The following UNC13C variants were observed in gnomAD, a reference collection of about 807,000 sequenced individuals.
UNC13C encodes unc-13 homolog C.
In UNC13C, 174 loss-of-function variants were observed where a neutral mutation model predicts 245.4. That is an observed-to-expected ratio of 0.71 (90% CI 0.63 to 0.80). UNC13C has a LOEUF of 0.80. Ranked by LOEUF, UNC13C falls within the 30% of genes least tolerant of loss-of-function variation. UNC13C has a pLI of 0.00. For synonymous variants in UNC13C, 992 were observed against 895.1 expected (o/e 1.11, Z -1.93); for missense variants, 2,829 against 2,602.9 (o/e 1.09, Z -1.89).
intron 25 of UNC13C, among the ~76,000 whole-genome samples, chr15:54,529,310 A>C (rs1895629127): frequency 6.6e-6 from 1 of 152,160 alleles, no homozygotes; most frequent in Non-Finnish European, 1.5e-5. Context: ...AAGCAAGAAA[A>C]ACATCCAAGT....
intron 17 of UNC13C, among the ~76,000 whole-genome samples, chr15:54,346,823 A>G (rs1204409551): frequency 6.6e-6 from 1 of 152,264 alleles, no homozygotes; most frequent in Non-Finnish European, 1.5e-5. Context: ...AGATCAATCT[A>G]TAAACTGGAT....
chr15:54,495,305 T>C (rs572697451), intron 20 of UNC13C, among the ~76,000 whole-genome samples: 3 of 152,106 alleles, frequency 2.0e-5, no homozygotes, highest in East Asian at 1.9e-4. Context: ...TGTAGAGCAA[T>C]AGAAAATAAA....
chr15:54,118,216 A>G (rs561875193), intron 2 of UNC13C, among the ~76,000 whole-genome samples: 1 of 151,814 alleles, frequency 6.6e-6, no homozygotes, highest in Non-Finnish European at 1.5e-5. Flanking sequence ...TTTCATAGTG[A>G]GTATATTTAA....
At chr15:53,850,134 C>T in the UNC13C span, among the ~76,000 whole-genome samples, 11 of 151,826 alleles carry the variant, frequency 7.2e-5, no homozygotes, top group Middle Eastern at 3.2e-3. Flanking sequence ...TTCTAGGGGG[C>T]GCTGGGCATG....
At chr15:54,051,830 A>G (rs1192595373) in intron 2 of UNC13C, among the ~76,000 whole-genome samples, 1 of 148,636 alleles carries the variant, frequency 6.7e-6, no homozygotes, top group African/African-American at 2.5e-5. Flanking sequence ...TTACATATGT[A>G]TACATGTGCC....
At chr15:54,081,715 G>T (rs1898952334) in intron 2 of UNC13C, among the ~76,000 whole-genome samples, 1 of 152,088 alleles carries the variant, frequency 6.6e-6, no homozygotes, top group East Asian at 1.9e-4. Flanking sequence ...GAAGGCAACA[G>T]CAGGTTGAGT....
chr15:54,373,333 G>C (rs745983119), intron 17 of UNC13C, among the ~76,000 whole-genome samples: 25 of 152,172 alleles, frequency 1.6e-4, no homozygotes, highest in Admixed American at 6.5e-5. Context: ...GAGCCCACTG[G>C]ACTTGTTTCA....
At chr15:53,864,959 A>C in the UNC13C span, among the ~76,000 whole-genome samples, 3 of 152,184 alleles carry the variant, frequency 2.0e-5, no homozygotes. Flanking sequence ...CAGGGGTCAG[A>C]AGTCCCGAAT....
intron 2 of UNC13C, among the ~76,000 whole-genome samples, chr15:54,084,228 A>G (rs1455503647): frequency 6.6e-6 from 1 of 152,066 alleles, no homozygotes; most frequent in Non-Finnish European, 1.5e-5. Flanking sequence ...ACTGTGATCC[A>G]CGTCCCCTTT....
the UNC13C span, among the ~76,000 whole-genome samples, chr15:53,879,971 G>GTGTGTGTA: frequency 1.5e-4 from 23 of 151,142 alleles, no homozygotes; most frequent in East Asian, 5.9e-4. Flanking sequence ...GTGTGTGTGT[G>GTGTGTGTA]TATATACATA....
At chr15:54,403,715 C>CAA (rs771818988) in intron 18 of UNC13C, among the ~76,000 whole-genome samples, 10,267 of 55,656 alleles carry the variant, frequency 0.18, 1,405 homozygotes, top group Non-Finnish European at 0.22. Context: ...GAACCTGTCT[C>CAA]AAAAAAAAAA....
At chr15:54,526,366 C>T (rs1458500633) in intron 25 of UNC13C, among the ~76,000 whole-genome samples, 2 of 151,992 alleles carry the variant, frequency 1.3e-5, no homozygotes, top group African/African-American at 4.8e-5. Flanking sequence ...ATAGAATTTG[C>T]TTTAAATATT....
chr15:53,939,191 C>G, the UNC13C span, among the ~76,000 whole-genome samples: 1 of 152,144 alleles, frequency 6.6e-6, no homozygotes, highest in Non-Finnish European at 1.5e-5. Context: ...ACACAACCAT[C>G]AGAGAACACT....
At chr15:54,386,203 G>A (rs1431279187) in intron 17 of UNC13C, among the ~76,000 whole-genome samples, 1 of 152,174 alleles carries the variant, frequency 6.6e-6, no homozygotes, top group East Asian at 1.9e-4. Flanking sequence ...AGAGGATGTG[G>A]AAATTAAGAT....
At chr15:54,431,925 TGATA>T (rs1054974789) in intron 19 of UNC13C, among the ~76,000 whole-genome samples, 16 of 151,700 alleles carry the variant, frequency 1.1e-4, no homozygotes, top group African/African-American at 3.9e-4. Context: ...AATATTAAGG[TGATA>T]GATATTCTAA....
At chr15:54,590,360 T>G (rs1237929450) in intron 30 of UNC13C, among the ~76,000 whole-genome samples, 2 of 152,204 alleles carry the variant, frequency 1.3e-5, no homozygotes, top group African/African-American at 4.8e-5. Context: ...TGCATTGTAT[T>G]TGTAGATGGC....
chr15:54,124,590 T>G (rs143206517), intron 2 of UNC13C, among the ~76,000 whole-genome samples: 3,930 of 152,270 alleles, frequency 0.026, 168 homozygotes, highest in African/African-American at 0.09. Flanking sequence ...CTTGTCTTTT[T>G]ATCCTCCTAA....
chr15:54,208,665 G>A (rs1208353474), intron 4 of UNC13C, among the ~76,000 whole-genome samples: 3 of 152,032 alleles, frequency 2.0e-5, no homozygotes, highest in Non-Finnish European at 2.9e-5. Context: ...AGAATAAAGG[G>A]AATTGGAAGT....
intron 30 of UNC13C, among the ~76,000 whole-genome samples, chr15:54,612,058 TAAAACACCATCTGTCAC>T (rs1900132484): frequency 2.2e-5 from 1 of 45,272 alleles, no homozygotes; most frequent in East Asian, 1.3e-3. Context: ...CAGAATTTTA[TAAAACACCATCTGTCAC>T]ATATATTTTG....
Sources: allele counts gnomAD v4.1 joint callset (sites outside exome capture counted in the v4.1 genomes callset), GRCh38; gene constraint gnomAD v4.1.1; transcripts MANE v1.5; gene names NCBI Gene and HGNC (gene_info 2026-07-23, HGNC 2026-07-21).